PEG3: variants seen among roughly 807,000 people sequenced by gnomAD.
The protein encoded by PEG3 is paternally-expressed gene 3 protein.
A neutral mutation model predicts 35.5 loss-of-function variants in PEG3; 23 were observed. The ratio of observed to expected loss-of-function variants is 0.65; its 90% CI spans 0.47 to 0.92. The LOEUF (loss-of-function observed/expected upper bound fraction) is 0.92. PEG3 is among the 40% of genes least tolerant of loss of function. The probability of loss-of-function intolerance (pLI) is 0.00; values close to 1 mark genes in which losing one functional copy is unlikely to be tolerated. For missense variants in PEG3, 1,960 were observed against 1,985.3 expected (o/e 0.99, Z 0.24); for synonymous variants, 707 against 697.0 (o/e 1.01, Z -0.23).
chr19:56,840,068 A>AGGCCGATGGCACCCCGC (rs2062815681), intron 1 of PEG3, among the ~76,000 whole-genome samples: 1 of 152,188 alleles, frequency 6.6e-6, no homozygotes, highest in Admixed American at 6.5e-5. Context: ...CGGCGCCGCG[A>AGGCCGATGGCACCCCGC]GGCCGATGGC....
Position 56,813,522 on chromosome 19 carries a change from T to A in PEG3, c.*153A>T. ...GACTGTGGAATCTGCACATTCGGTCTCTTTTCAATCTGAGTTTAGAGATGT... is the reference window on the plus strand; with the variant it reads ...GACTGTGGAATCTGCACATTCGGTCACTTTTCAATCTGAGTTTAGAGATGT... On this transcript the variant is annotated 3_prime_UTR_variant, in exon 10 of 10. Transcript: ENST00000326441. 7.0e-7 allele frequency: 1 copy of A among 1,436,938 alleles called. No individual in the cohort carries two copies. The highest frequency in any genetic ancestry group is 2.5e-5 in the East Asian group (1 of 39,810). 89.0% of individuals were successfully genotyped at this position (1,436,938 alleles called of 1,614,324 possible).
chr19:56,819,947 C>G (rs1347141304), intron 7 of PEG3, among the ~76,000 whole-genome samples: 2 of 152,106 alleles, frequency 1.3e-5, no homozygotes, highest in Non-Finnish European at 2.9e-5. Context: ...TGCCTGTGTC[C>G]TGCCACAAAA....
chr19:56,815,586 A>G lies in PEG3; in HGVS notation c.2856T>C (p.Ile952=). 1.2e-6 allele frequency: 2 copies of G among 1,614,126 alleles called. No homozygotes were observed. Among genetic ancestry groups the G allele is most frequent in the Non-Finnish European group, 1.7e-6 (2 of 1,179,986 alleles). Residue 952 remains isoleucine (I), a synonymous_variant, in exon 10 of 10, where the codon ATT becomes ATC. Coordinates refer to ENST00000326441, the MANE Select transcript of PEG3 (RefSeq NM_006210.3). ...IEHRSNETSV[I]HSLPFGEQTF... ...TTTGTTCACCAAAAGGCAGAGAGTG[A>G]ATTACAGAGGTCTCATTGCTCCTAT...
rs778952352 is a variant in PEG3 at position 56,816,161 on chromosome 19, T to G, written c.2281A>C (p.Lys761Gln). Reference protein sequence around the residue: ...TISSNPYENQKIPTKENVYEA... With the variant: ...TISSNPYENQQIPTKENVYEA... ...TAGACATTTTCCTTAGTGGGAATCTTCTGGTTTTCATAGGGGTTAGAGCTA... is the reference window on the plus strand; with the variant it reads ...TAGACATTTTCCTTAGTGGGAATCTGCTGGTTTTCATAGGGGTTAGAGCTA... Residue 761 changes from lysine to glutamine, a missense_variant, in exon 10 of 10, where the codon AAG (lysine) becomes CAG (glutamine). Coordinates refer to ENST00000326441, the MANE Select transcript of PEG3 (RefSeq NM_006210.3). 6.2e-7 allele frequency: 1 copy of G among 1,614,068 alleles called. No homozygotes were observed. The highest frequency in any genetic ancestry group is 2.2e-5 in the East Asian group (1 of 44,888).
intron 1 of PEG3, among the ~76,000 whole-genome samples, chr19:56,837,815 C>T (rs1005507397): frequency 5.3e-5 from 8 of 151,468 alleles, no homozygotes; most frequent in African/African-American, 1.9e-4. Context: ...CTGCGCAGTA[C>T]ACCTCTGCTG....
chr19:56,840,239 T>C (rs1481768819), intron 1 of PEG3, among the ~76,000 whole-genome samples: 1 of 152,134 alleles, frequency 6.6e-6, no homozygotes, highest in Admixed American at 6.5e-5. Context: ...ATGCCCCCGG[T>C]TTGCTGCGGT....
Position 56,823,146 on chromosome 19 carries a change from A to C in PEG3, c.482-310T>G, listed in dbSNP as rs1420917037. 2.0e-5 allele frequency among the ~76,000 whole-genome samples: 3 copies of C among 152,288 alleles called. No homozygotes were observed. The East Asian group carries it at 5.8e-4, about 29-fold the overall frequency. On this transcript the variant is annotated intron_variant, in intron 5 of 9. Coordinates refer to ENST00000326441, the MANE Select transcript of PEG3 (RefSeq NM_006210.3). ...TTCCTAAGGGGCTGAGTCCACATTC[A>C]GGAGAATGGACTGCAGACCCCCTAC...
Position 56,822,810 on chromosome 19 carries a change from T to A in PEG3, c.508A>T (p.Arg170Ter). Residue 170 changes from arginine (R) to a stop codon, truncating the protein, a stop_gained, in exon 6 of 10, where the codon AGA becomes TGA. Coordinates refer to ENST00000326441, the MANE Select transcript of PEG3 (RefSeq NM_006210.3). LOFTEE classifies it high-confidence loss of function. ...FSDRDWDRRG[R>*]SRDMEPRDRW... Reference sequence around the variant, plus strand: ...TCTCGTGGCTCCATGTCTCTGCTTCTGCCCCTCCGGTCCCAGTCCCGGTCA... The same window carrying A: ...TCTCGTGGCTCCATGTCTCTGCTTCAGCCCCTCCGGTCCCAGTCCCGGTCA... 1 of 1,614,108 alleles carries A rather than the reference T, an allele frequency of 6.2e-7. No individual in the cohort carries two copies. Among genetic ancestry groups the A allele is most frequent in the Non-Finnish European group, 8.5e-7 (1 of 1,180,010 alleles).
Position 56,815,452 on chromosome 19 carries a change from G to A in PEG3, c.2990C>T (p.Ser997Phe). The A allele has an allele frequency of 1.9e-6, 3 of 1,614,114 alleles. No individual in the cohort carries two copies. The highest frequency in any genetic ancestry group is 2.5e-6 in the Non-Finnish European group (3 of 1,179,964). ...AGACCATTCATAGTTTCTGCTTCCA[G>A]AGGGCTTCTCCCTATCATGAATCTT... ...HQKIHDREKP[S>F]GSRNYEWSVI... Residue 997 changes from serine (S) to phenylalanine (F), a missense_variant, in exon 10 of 10, where the codon TCT (serine) becomes TTT (phenylalanine). Physicochemically the swap from Ser to Phe is radical, Grantham distance 155. Around this residue, in one of 5 missense-constraint regions of PEG3, gnomAD observed 798 missense variants for 782.4 expected, o/e 1.02. Coordinates refer to ENST00000326441, the MANE Select transcript of PEG3 (RefSeq NM_006210.3).
At chr19:56,831,048 G>A (rs1194443964) in intron 2 of PEG3, among the ~76,000 whole-genome samples, 1 of 152,164 alleles carries the variant, frequency 6.6e-6, no homozygotes, top group Non-Finnish European at 1.5e-5. Context: ...TTTATTTTGA[G>A]GTGGGGAGTT....
rs777281592 is a variant in PEG3 at position 56,815,636 on chromosome 19, G to A, written c.2806C>T (p.Arg936Cys). The A allele has an allele frequency of 4.3e-6, 7 of 1,613,888 alleles. No individual in the cohort carries two copies. In the Admixed American group the frequency reaches 5.0e-5, roughly 12 times the overall value. Reference protein sequence around the residue: ...SSNVREYQKARAKKKYIEHRS... With the variant: ...SSNVREYQKACAKKKYIEHRS... ...TGCTCAATGTATTTCTTTTTAGCACGAGCCTTCTGGTATTCACGGACATTT... is the reference window on the plus strand; with the variant it reads ...TGCTCAATGTATTTCTTTTTAGCACAAGCCTTCTGGTATTCACGGACATTT... Residue 936 changes from arginine to cysteine, a missense_variant, in exon 10 of 10, where the codon CGT becomes TGT. Physicochemically the swap from Arg to Cys is radical, Grantham distance 180. This residue lies in a region of PEG3 where 798 missense variants were observed against 782.4 expected (regional missense o/e 1.02). Coordinates refer to ENST00000326441, the MANE Select transcript of PEG3 (RefSeq NM_006210.3).
In PEG3 at chr19:56,810,565, T is replaced by C. The variant is rs2048063766; in HGVS notation, c.*3110A>G. ...CTGAATTTCCAAAGTTTTGTATGAG[T>C]ATGTATTATATTTGTAATGGAAAAT... On this transcript the variant is annotated 3_prime_UTR_variant, in exon 10 of 10. Transcript: ENST00000326441. The C allele has an allele frequency of 3.2e-6, 3 of 935,012 alleles. No homozygotes were observed. Among genetic ancestry groups the C allele is most frequent in the Non-Finnish European group, 2.6e-6 (2 of 784,190 alleles). The allele number at this position is 935,012 out of a possible 1,614,324, so 57.9% of individuals were successfully genotyped here.
At position 56,813,804 on chromosome 19, in the gene PEG3, G is replaced by T; in HGVS notation, c.4638C>A (p.Ile1546=). The T allele has an allele frequency of 6.2e-7, 1 of 1,614,124 alleles. No individual in the cohort carries two copies. Among genetic ancestry groups the T allele is most frequent in the Non-Finnish European group, 8.5e-7 (1 of 1,180,010 alleles). Residue 1546 remains isoleucine (I), a synonymous_variant, in exon 10 of 10, where the codon ATC becomes ATA. Coordinates refer to ENST00000326441, the MANE Select transcript of PEG3 (RefSeq NM_006210.3). The stretch of plus-strand genomic sequence containing the variant: ...CACCTGTGCTGGTGCTGGCACGTTC[G>T]ATGTAGCCTGAGCACTCCCCAAAGG... ...ANAFGECSGY[I]ERASTSTGGA...
Position 56,815,855 on chromosome 19 carries a change from T to C in PEG3, c.2587A>G (p.Ile863Val). ...TTATCATTAAGGTCTGAGATATAAA[T>C]GGAGGATTCTCCCTTCTCATTAGAT... is the stretch of plus-strand genomic sequence containing the variant. Reference protein sequence around the residue: ...VESNEKGESSIYISDLNDKRQ... With the variant: ...VESNEKGESSVYISDLNDKRQ... Residue 863 changes from isoleucine (I) to valine (V), a missense_variant, in exon 10 of 10, where the codon ATT becomes GTT. By Grantham distance (29) the Ile-to-Val change is conservative. Coordinates refer to ENST00000326441, the MANE Select transcript of PEG3 (RefSeq NM_006210.3). 1 of 1,613,786 alleles carries C rather than the reference T, an allele frequency of 6.2e-7. No individual in the cohort carries two copies. The highest frequency in any genetic ancestry group is 8.5e-7 in the Non-Finnish European group (1 of 1,179,816).
chr19:56,830,762 A>G (rs2061497699), intron 2 of PEG3, among the ~76,000 whole-genome samples: 1 of 150,526 alleles, frequency 6.6e-6, no homozygotes, highest in Non-Finnish European at 1.5e-5. Context: ...AAAATTTCAA[A>G]AATTTACAGA....
chr19:56,831,086 GGA>G (rs2061528807), intron 2 of PEG3, among the ~76,000 whole-genome samples: 1 of 152,088 alleles, frequency 6.6e-6, no homozygotes, highest in South Asian at 2.1e-4. Flanking sequence ...CAGTTCTTCT[GGA>G]AGAATAAATG....
chr19:56,811,883 C>T lies in PEG3; in HGVS notation c.*1792G>A. ...TCTGGTGTTTTCTTCTGTCTGTCTC[C>T]TCTCCCCTCCTAGATCTGGTGATAT... On this transcript the variant is annotated 3_prime_UTR_variant, in exon 10 of 10. Coordinates refer to ENST00000326441, the MANE Select transcript of PEG3 (RefSeq NM_006210.3). 1.0e-6 allele frequency: 1 copy of T among 985,252 alleles called. No homozygotes were observed. The highest frequency in any genetic ancestry group is 1.2e-6 in the Non-Finnish European group (1 of 829,800). 61.0% of individuals were successfully genotyped at this position (985,252 alleles called of 1,614,324 possible). A position where few individuals can be genotyped will look rare whatever the true frequency, so the allele number is the denominator to read the frequency against.
intron 2 of PEG3, among the ~76,000 whole-genome samples, chr19:56,832,340 G>C (rs1286344402): frequency 6.6e-6 from 1 of 151,938 alleles, no homozygotes; most frequent in Non-Finnish European, 1.5e-5. Context: ...AGTACCCTGT[G>C]GTCACCATCT....
At chr19:56,828,727 A>C (rs1274825970) in intron 2 of PEG3, among the ~76,000 whole-genome samples, 1 of 152,252 alleles carries the variant, frequency 6.6e-6, no homozygotes, top group Non-Finnish European at 1.5e-5. Flanking sequence ...AAATAGCCCA[A>C]TATGAAAATA....
Sources: gnomAD v4.1 joint callset for allele counts (sites outside exome capture counted in the v4.1 genomes callset) on GRCh38, gnomAD v4.1.1 for gene constraint, gnomAD v4.1.1 regional missense constraint, MANE v1.5 for transcripts, NCBI Gene and HGNC (gene_info 2026-07-23, HGNC 2026-07-21) for gene names.